Variants in TMTC2 observed in about 807,000 individuals in gnomAD.
TMTC2 encodes protein O-mannosyl-transferase TMTC2.
In TMTC2, 43 loss-of-function variants were observed where a neutral mutation model predicts 82.4. That is an observed-to-expected ratio of 0.52 (90% CI 0.41 to 0.67). The LOEUF (loss-of-function observed/expected upper bound fraction) is 0.67. Ranked by LOEUF, TMTC2 falls within the 30% of genes least tolerant of loss-of-function variation. The pLI is 0.00. For synonymous variants in TMTC2, 408 were observed against 381.9 expected (o/e 1.07, Z -0.80); for missense variants, 919 against 1,012.4 (o/e 0.91, Z 1.25).
At chr12:82,954,833 G>T (rs531384742) in intron 4 of TMTC2, among the ~76,000 whole-genome samples, 1 of 152,236 alleles carries the variant, frequency 6.6e-6, no homozygotes, top group South Asian at 2.1e-4. Flanking sequence ...TGACAATTTG[G>T]TCAGATGTAT....
intron 11 of TMTC2, among the ~76,000 whole-genome samples, chr12:83,067,599 A>G (rs910378029): frequency 6.6e-6 from 1 of 152,026 alleles, no homozygotes; most frequent in Non-Finnish European, 1.5e-5. Flanking sequence ...AGTTATGGTC[A>G]TTTGGTTATC....
chr12:82,752,147 C>CATTTTTTTTTTTT, intron 1 of TMTC2, among the ~76,000 whole-genome samples: 1 of 137,928 alleles, frequency 7.3e-6, no homozygotes, highest in Non-Finnish European at 1.5e-5. Flanking sequence ...TTGGAAGCTC[C>CATTTTTTTTTTTT]TTTTTTTTTT....
chr12:83,101,687 G>A (rs1035813420), intron 11 of TMTC2, among the ~76,000 whole-genome samples: 2 of 152,132 alleles, frequency 1.3e-5, no homozygotes, highest in Non-Finnish European at 2.9e-5. Flanking sequence ...ACTGCTTACC[G>A]CCTTTGTTAC....
intron 1 of TMTC2, among the ~76,000 whole-genome samples, chr12:82,776,644 G>T (rs1205836436): frequency 6.6e-6 from 1 of 151,750 alleles, no homozygotes; most frequent in Non-Finnish European, 1.5e-5. Flanking sequence ...AAGAATCTGG[G>T]TGTGATGGCA....
intron 1 of TMTC2, among the ~76,000 whole-genome samples, chr12:82,749,314 C>T (rs1400505814): frequency 4.7e-5 from 3 of 64,240 alleles, no homozygotes; most frequent in Non-Finnish European, 1.0e-4. Flanking sequence ...ACTGCTTCTA[C>T]TTTAGAAACT....
chr12:82,986,378 C>T (rs1431216313), intron 8 of TMTC2: 2 of 186,730 alleles, frequency 1.1e-5, no homozygotes, highest in East Asian at 2.5e-4. Context: ...TAAATATATG[C>T]ACCTATAGAA....
chr12:82,700,230 C>T (rs1314635453), intron 1 of TMTC2, among the ~76,000 whole-genome samples: 1 of 152,032 alleles, frequency 6.6e-6, no homozygotes, highest in Non-Finnish European at 1.5e-5. Flanking sequence ...ATAGCAATAC[C>T]TACTTAATAG....
intron 1 of TMTC2, among the ~76,000 whole-genome samples, chr12:82,697,549 T>G (rs1171551771): frequency 6.6e-6 from 1 of 152,162 alleles, no homozygotes; most frequent in East Asian, 1.9e-4. Context: ...AGACAGTTTA[T>G]TTAATCTGTG....
intron 1 of TMTC2, among the ~76,000 whole-genome samples, chr12:82,718,807 C>T (rs201030187): frequency 0.1 from 15,407 of 151,620 alleles, 902 homozygotes; most frequent in East Asian, 0.23. Flanking sequence ...GGTAGTATAC[C>T]ATAGGAAAAT....
chr12:82,701,980 G>A (rs1429809576), intron 1 of TMTC2, among the ~76,000 whole-genome samples: 2 of 152,016 alleles, frequency 1.3e-5, no homozygotes, highest in African/African-American at 2.4e-5. Context: ...TACTACCGGA[G>A]GCAATAAGGC....
chr12:82,722,033 G>A (rs1874229015), intron 1 of TMTC2, among the ~76,000 whole-genome samples: 1 of 152,202 alleles, frequency 6.6e-6, no homozygotes, highest in East Asian at 1.9e-4. Context: ...ACTTTTGTTG[G>A]ATTGCTTCTG....
intron 4 of TMTC2, among the ~76,000 whole-genome samples, chr12:82,935,396 A>G (rs1445168693): frequency 6.6e-6 from 1 of 152,166 alleles, no homozygotes; most frequent in East Asian, 1.9e-4. Flanking sequence ...GATATTTCAT[A>G]CAAGAAATTA....
intron 2 of TMTC2, among the ~76,000 whole-genome samples, chr12:82,876,071 GA>G (rs1565788801): frequency 0.012 from 1,424 of 118,918 alleles, 55 homozygotes; most frequent in East Asian, 0.026. Flanking sequence ...TGGTGGTGAT[GA>G]TGATGATGGT....
intron 8 of TMTC2, among the ~76,000 whole-genome samples, chr12:83,016,138 T>A (rs75536677): frequency 6.6e-6 from 1 of 152,218 alleles, no homozygotes; most frequent in African/African-American, 2.4e-5. Flanking sequence ...TAACCCTGTT[T>A]GGTCAAAAAA....
At position 82,878,764 on chromosome 12, in the gene TMTC2, G is replaced by T. The variant is rs145405658; in HGVS notation, c.655-17054G>T. Reference sequence around the variant, plus strand: ...AAAAATATAAATGAATGAGCCAGGTGCGGTGCCATGTTCTTATGGTCCCAG... The same window carrying T: ...AAAAATATAAATGAATGAGCCAGGTTCGGTGCCATGTTCTTATGGTCCCAG... On this transcript the variant is annotated intron_variant, in intron 2 of 11. Coordinates refer to ENST00000321196, the MANE Select transcript of TMTC2 (RefSeq NM_152588.3). 8.3e-3 allele frequency among the ~76,000 whole-genome samples: 1,260 copies of T among 152,226 alleles called. 7 individuals carry two copies. Among genetic ancestry groups the T allele is most frequent in the Non-Finnish European group, 0.013 (856 of 68,004 alleles).
At chr12:82,795,670 A>T (rs2137028714) in intron 1 of TMTC2, among the ~76,000 whole-genome samples, 1 of 152,202 alleles carries the variant, frequency 6.6e-6, no homozygotes, top group South Asian at 2.1e-4. Flanking sequence ...CTTCAAGAGC[A>T]CTCAACTAGC....
chr12:83,016,495 C>T (rs1880686830), intron 8 of TMTC2, among the ~76,000 whole-genome samples: 1 of 152,170 alleles, frequency 6.6e-6, no homozygotes, highest in Non-Finnish European at 1.5e-5. Context: ...GTATAATCTT[C>T]AATTTGATAA....
intron 10 of TMTC2, among the ~76,000 whole-genome samples, chr12:83,051,630 C>T (rs1882350977): frequency 6.6e-6 from 1 of 152,104 alleles, no homozygotes; most frequent in Admixed American, 6.6e-5. Context: ...ATTATATTGA[C>T]TGTGGCATGT....
At chr12:82,759,428 A>G (rs1876495618) in intron 1 of TMTC2, 1 of 152,196 alleles carries the variant, frequency 6.6e-6, no homozygotes, top group Non-Finnish European at 1.5e-5. Flanking sequence ...AATTTTGAAC[A>G]GTTTATTTTC....
Sources: gnomAD v4.1 joint callset for allele counts (sites outside exome capture counted in the v4.1 genomes callset) on GRCh38, gnomAD v4.1.1 for gene constraint, MANE v1.5 for transcripts, NCBI Gene and HGNC (gene_info 2026-07-23, HGNC 2026-07-21) for gene names.